Variants in ABTB2 observed in about 807,000 individuals in gnomAD.
The protein encoded by ABTB2 is ankyrin repeat and BTB/POZ domain-containing protein 2.
Under a neutral mutation model 104.1 loss-of-function variants are expected in ABTB2, and 56 were observed. The ratio of observed to expected loss-of-function variants is 0.54; its 90% CI spans 0.43 to 0.67. ABTB2 has a LOEUF of 0.67. Ranked by LOEUF, ABTB2 falls within the 30% of genes least tolerant of loss-of-function variation. ABTB2 has a pLI of 0.00. For synonymous variants in ABTB2, 606 were observed against 608.2 expected (o/e 1.00, Z 0.05); for missense variants, 1,279 against 1,407.7 (o/e 0.91, Z 1.46).
chr11:34,161,010 C>A lies in ABTB2; in HGVS notation c.2290G>T (p.Val764Leu), dbSNP rs956401445. 6.2e-7 allele frequency: 1 copy of A among 1,613,606 alleles called. No homozygotes were observed. The highest frequency in any genetic ancestry group is 1.3e-5 in the African/African-American group (1 of 74,912). ...CTGAAGTCCCGCAGGAGGCTCTGCA[C>A]CACCGAGTACCGCGACTGCGAGAAC... is the stretch of plus-strand genomic sequence containing the variant. ...TSFSQSRYSV[V>L]QSLLRDFSSI... Residue 764 changes from valine (V) to leucine (L), a missense_variant, in exon 11 of 17, where the codon GTG (valine) becomes TTG (leucine). Transcript: ENST00000435224.
chr11:34,268,825 C>T (rs1422103103), intron 1 of ABTB2, among the ~76,000 whole-genome samples: 3 of 152,210 alleles, frequency 2.0e-5, no homozygotes, highest in East Asian at 1.9e-4. Flanking sequence ...GCATCCTCCA[C>T]GTGTGCCTCA....
At chr11:34,157,769 C>T (rs538362996) in intron 14 of ABTB2, among the ~76,000 whole-genome samples, 81 of 152,360 alleles carry the variant, frequency 5.3e-4, no homozygotes, top group Non-Finnish European at 7.1e-4. Context: ...CCCTCCATCC[C>T]CCCAGCCACT....
chr11:34,167,082 T>C (rs985900159), intron 7 of ABTB2, among the ~76,000 whole-genome samples, 177 bp downstream of exon 7: 18 of 152,200 alleles, frequency 1.2e-4, no homozygotes, highest in Non-Finnish European at 2.4e-4. Flanking sequence ...CTAACCCCTT[T>C]CCTTGAGGCA....
chr11:34,158,408 G>A (rs1268174893), intron 14 of ABTB2, among the ~76,000 whole-genome samples: 1 of 151,770 alleles, frequency 6.6e-6, no homozygotes, highest in Non-Finnish European at 1.5e-5. Flanking sequence ...GAGACTCCGT[G>A]TCAAAAAAAA....
At chr11:34,312,697 G>C (rs929942123) in intron 1 of ABTB2, among the ~76,000 whole-genome samples, 1 of 152,098 alleles carries the variant, frequency 6.6e-6, no homozygotes, top group African/African-American at 2.4e-5. Flanking sequence ...GCTGTGTATT[G>C]GGTTCTACTA....
chr11:34,202,961 C>A (rs1003918568), intron 2 of ABTB2, among the ~76,000 whole-genome samples: 3 of 152,222 alleles, frequency 2.0e-5, no homozygotes, highest in African/African-American at 7.2e-5. Flanking sequence ...GTCTTGGCCC[C>A]TTGGCTAGCG....
intron 1 of ABTB2, among the ~76,000 whole-genome samples, chr11:34,249,606 A>G (rs141537083): frequency 2.6e-5 from 4 of 152,334 alleles, no homozygotes; most frequent in Non-Finnish European, 5.9e-5. Flanking sequence ...CCCCACTTGA[A>G]CATCTAACTC....
At chr11:34,352,696 T>G (rs1308423486) in intron 1 of ABTB2, among the ~76,000 whole-genome samples, 3 of 152,254 alleles carry the variant, frequency 2.0e-5, no homozygotes, top group Non-Finnish European at 4.4e-5. Flanking sequence ...TGTCCCATTT[T>G]GCAGATGACA....
intron 1 of ABTB2, among the ~76,000 whole-genome samples, chr11:34,227,289 A>G (rs1278580938): frequency 4.6e-5 from 7 of 151,480 alleles, no homozygotes; most frequent in Admixed American, 4.6e-4. Context: ...AAAAAAAGAA[A>G]AAAAAAAAAA....
intron 1 of ABTB2, among the ~76,000 whole-genome samples, chr11:34,328,338 C>T (rs1855093915): frequency 6.6e-6 from 1 of 152,146 alleles, no homozygotes; most frequent in Admixed American, 6.5e-5. Context: ...TCCACAGCAT[C>T]GGAGTGAGGG....
rs1256042508 is a variant in ABTB2, at chr11:34,229,298, C to T, written c.884-24608G>A. ...GAGATCAAGACCATCCTGGCTAACA[C>T]GATGAAACCCGTCTCTACCAAAAAT... On this transcript the variant is annotated intron_variant, in intron 1 of 16. Coordinates refer to ENST00000435224, the MANE Select transcript of ABTB2 (RefSeq NM_145804.3). 2.2e-4 allele frequency among the ~76,000 whole-genome samples: 34 copies of T among 151,336 alleles called. No homozygotes were observed. The East Asian group carries it at 2.5e-3, about 11-fold the overall frequency.
At chr11:34,204,439 G>C in intron 2 of ABTB2, 105 bp downstream of exon 2, 1 of 1,389,378 alleles carries the variant, frequency 7.2e-7, no homozygotes, top group Non-Finnish European at 9.6e-7. Flanking sequence ...GGAGGAGGAG[G>C]CCAGAGCACT....
At chr11:34,310,669 C>A (rs1003823831) in intron 1 of ABTB2, among the ~76,000 whole-genome samples, 1 of 152,184 alleles carries the variant, frequency 6.6e-6, no homozygotes, top group Non-Finnish European at 1.5e-5. Flanking sequence ...CTCCCTCACC[C>A]CCCAGCACCC....
At chr11:34,180,681 G>A (rs1853015258) in intron 3 of ABTB2, among the ~76,000 whole-genome samples, 1 of 152,220 alleles carries the variant, frequency 6.6e-6, no homozygotes, top group African/African-American at 2.4e-5. Flanking sequence ...GAAACCCAGA[G>A]AGGCTAAGCG....
chr11:34,266,816 A>C (rs909603738), intron 1 of ABTB2, among the ~76,000 whole-genome samples: 1 of 151,974 alleles, frequency 6.6e-6, no homozygotes, highest in African/African-American at 2.4e-5. Flanking sequence ...AGTCGTTAGG[A>C]ACAGTTTGAT....
chr11:34,174,783 T>C (rs1307697041), intron 3 of ABTB2, among the ~76,000 whole-genome samples: 1 of 151,860 alleles, frequency 6.6e-6, no homozygotes, highest in Non-Finnish European at 1.5e-5. Context: ...GCTCTTTCCC[T>C]GCTCCATCAC....
chr11:34,283,363 G>A (rs1336606427), intron 1 of ABTB2, among the ~76,000 whole-genome samples: 8 of 151,664 alleles, frequency 5.3e-5, no homozygotes, highest in South Asian at 2.1e-4. Context: ...TTACAGGCAC[G>A]TGCCACCATG....
chr11:34,160,592 C>A (rs1852697686), intron 11 of ABTB2, among the ~76,000 whole-genome samples: 1 of 148,578 alleles, frequency 6.7e-6, no homozygotes, highest in Non-Finnish European at 1.5e-5. Flanking sequence ...CAGCGCAAGT[C>A]TAAGTCTGGG....
chr11:34,258,605 CT>C (rs35853565), intron 1 of ABTB2, among the ~76,000 whole-genome samples: 5,536 of 95,038 alleles, frequency 0.058, 62 homozygotes, highest in Middle Eastern at 0.096. Flanking sequence ...AGTGCCTGCT[CT>C]TTTTTTTTTT....
Sources: allele counts gnomAD v4.1 joint callset (sites outside exome capture counted in the v4.1 genomes callset), GRCh38; gene constraint gnomAD v4.1.1; transcripts MANE v1.5; gene names NCBI Gene and HGNC (gene_info 2026-07-23, HGNC 2026-07-21).